The following CLCA1 variants were observed in gnomAD, a reference collection of about 807,000 sequenced individuals.
CLCA1 encodes chloride channel accessory 1.
A neutral mutation model predicts 85.6 loss-of-function variants in CLCA1; 59 were observed. The ratio of observed to expected loss-of-function variants is 0.69; its 90% CI spans 0.56 to 0.86. The LOEUF is 0.86. CLCA1 is among the 40% of genes least tolerant of loss of function. CLCA1 has a pLI of 0.00. For missense variants in CLCA1, 1,022 were observed against 1,101.4 expected (o/e 0.93, Z 1.02); for synonymous variants, 396 against 398.3 (o/e 0.99, Z 0.07).
chr1:86,495,265 C>G (rs1428567644), intron 11 of CLCA1, among the ~76,000 whole-genome samples: 1 of 152,022 alleles, frequency 6.6e-6, no homozygotes, highest in Non-Finnish European at 1.5e-5. Flanking sequence ...AACACAGAAA[C>G]GATACCATCT....
intron 9 of CLCA1, 78 bp from the exon 10 acceptor site, chr1:86,493,306 G>T (rs764997479): frequency 2.7e-6 from 3 of 1,126,438 alleles, no homozygotes; most frequent in Non-Finnish European, 4.0e-6. Context: ...GGCGCACTGG[G>T]GAGACAGGGG....
At chr1:86,485,668 G>C in intron 6 of CLCA1, 107 bp downstream of exon 6, 8 of 905,728 alleles carry the variant, frequency 8.8e-6, no homozygotes, top group Admixed American at 2.1e-5. Context: ...GGCCAGAATA[G>C]TTATAACTGT....
intron 4 of CLCA1, among the ~76,000 whole-genome samples, chr1:86,478,764 A>T (rs1454713185): frequency 6.6e-6 from 1 of 152,268 alleles, no homozygotes; most frequent in African/African-American, 2.4e-5. Flanking sequence ...CAGATAAGAC[A>T]TGATCGCCAT....
chr1:86,489,808 G>C (rs574829826), intron 8 of CLCA1, among the ~76,000 whole-genome samples: 1 of 152,124 alleles, frequency 6.6e-6, no homozygotes, highest in African/African-American at 2.4e-5. Flanking sequence ...TTAACTTAGG[G>C]ATAATATTGT....
intron 5 of CLCA1, among the ~76,000 whole-genome samples, chr1:86,483,100 A>T (rs2734697): frequency 0.71 from 108,268 of 151,950 alleles, 39,349 homozygotes; most frequent in Non-Finnish European, 0.79. Flanking sequence ...TCTGTTCAAC[A>T]GGAATGGAGC....
chr1:86,470,460 T>C (rs1409742821), intron 1 of CLCA1, among the ~76,000 whole-genome samples: 2 of 152,160 alleles, frequency 1.3e-5, no homozygotes, highest in East Asian at 1.9e-4. Context: ...GACAGTGGGG[T>C]TCAGCAATAT....
chr1:86,474,769 T>G (rs1248124907), intron 3 of CLCA1, among the ~76,000 whole-genome samples: 1 of 152,080 alleles, frequency 6.6e-6, no homozygotes, highest in African/African-American at 2.4e-5. Context: ...GTATATGAGG[T>G]ACATATAACA....
At chr1:86,481,204 T>G (rs1395931489) in intron 4 of CLCA1, among the ~76,000 whole-genome samples, 1 of 152,018 alleles carries the variant, frequency 6.6e-6, no homozygotes, top group Admixed American at 6.6e-5. Context: ...TGGCGCGATC[T>G]CAGCTCACTG....
Position 86,499,945 on chromosome 1 carries a change from C to T in CLCA1, c.2645C>T (p.Ala882Val). The T allele has an allele frequency of 6.2e-7, 1 of 1,613,330 alleles. No homozygotes were observed. Among genetic ancestry groups the T allele is most frequent in the Non-Finnish European group, 8.5e-7 (1 of 1,179,264 alleles). ...PETPSPDETS[A>V]PCPNIHINST... Reference sequence around the variant, plus strand: ...ACACCTAGTCCTGATGAAACGTCTGCTCCTTGTCCTAATATTCATATCAAC... The same window carrying T: ...ACACCTAGTCCTGATGAAACGTCTGTTCCTTGTCCTAATATTCATATCAAC... The change falls in exon 14 of 14, where the codon GCT becomes GTT. Residue 882 changes from alanine (A) to valine (V), a missense_variant. Coordinates refer to ENST00000394711, the MANE Select transcript of CLCA1 (RefSeq NM_001285.4).
rs544504855 is a variant in CLCA1 at position 86,495,809 on chromosome 1, C to A, written c.2113+134C>A. On this transcript the variant is annotated intron_variant, in intron 12 of 13. Transcript: ENST00000394711. ...ACCTTGGCATTATTAAGATTTTGAG[C>A]CAGACAATCCTTTGTTGTGGAGGGC... is the stretch of plus-strand genomic sequence containing the variant. 15 of 809,948 alleles carry A rather than the reference C, an allele frequency of 1.9e-5. 1 individual carries two copies. In the South Asian group the frequency reaches 3.0e-4, roughly 16 times the overall value. The allele number at this position is 809,948 out of a possible 1,614,324, so 50.2% of individuals were successfully genotyped here. A position where few individuals can be genotyped will look rare whatever the true frequency, so the allele number is the denominator to read the frequency against.
At chr1:86,498,549 T>G in intron 12 of CLCA1, 23 bp from the exon 13 acceptor site, 3 of 1,606,402 alleles carry the variant, frequency 1.9e-6, no homozygotes, top group Non-Finnish European at 2.6e-6. Flanking sequence ...GCTTACCATA[T>G]TTTGAGTATT....
intron 8 of CLCA1, among the ~76,000 whole-genome samples, chr1:86,489,660 A>T (rs1461176522): frequency 6.6e-6 from 1 of 152,192 alleles, no homozygotes; most frequent in Non-Finnish European, 1.5e-5. Context: ...ATCACTCCCA[A>T]AATGGAATAC....
intron 12 of CLCA1, 148 bp downstream of exon 12, chr1:86,495,823 G>C (rs987834412): frequency 5.6e-6 from 4 of 708,352 alleles, no homozygotes; most frequent in African/African-American, 3.6e-5. Context: ...ACAATCCTTT[G>C]TTGTGGAGGG....
intron 12 of CLCA1, among the ~76,000 whole-genome samples, chr1:86,498,203 G>T (rs1341708121): frequency 1.3e-5 from 2 of 150,118 alleles, no homozygotes; most frequent in South Asian, 4.2e-4. Context: ...AGGAAGGAAG[G>T]AAGGAAAAAA....
intron 3 of CLCA1, among the ~76,000 whole-genome samples, chr1:86,475,302 T>C (rs989273448): frequency 6.6e-6 from 1 of 152,184 alleles, no homozygotes; most frequent in African/African-American, 2.4e-5. Context: ...TGTGGGATAC[T>C]GAGTTTCCAC....
At chr1:86,498,322 G>A (rs754488018) in intron 12 of CLCA1, among the ~76,000 whole-genome samples, 7 of 151,986 alleles carry the variant, frequency 4.6e-5, no homozygotes, top group Non-Finnish European at 8.8e-5. Context: ...ATTCCAAAAG[G>A]TTATTCCACT....
At position 86,482,315 on chromosome 1, in the gene CLCA1, G is replaced by T. The variant is rs1558138029; in HGVS notation, c.668G>T (p.Cys223Phe). ...GTAACAGGACTCTATGAAAAAGGAT[G>T]TGAGTTTGTTCTCCAATCCCGCCAG... Reference protein sequence around the residue: ...NKVTGLYEKGCEFVLQSRQTE... With the variant: ...NKVTGLYEKGFEFVLQSRQTE... Residue 223 changes from cysteine to phenylalanine, a missense_variant, in exon 5 of 14, where the codon TGT becomes TTT. Coordinates refer to ENST00000394711, the MANE Select transcript of CLCA1 (RefSeq NM_001285.4). 6.2e-7 allele frequency: 1 copy of T among 1,613,984 alleles called. No individual in the cohort carries two copies. Among genetic ancestry groups the T allele is most frequent in the African/African-American group, 1.3e-5 (1 of 74,932 alleles).
In CLCA1 at chr1:86,469,011, C is replaced by T. The variant is rs1647422625; in HGVS notation, c.40C>T (p.His14Tyr). 1.2e-6 allele frequency: 2 copies of T among 1,612,878 alleles called. No homozygotes were observed. The highest frequency in any genetic ancestry group is 1.7e-6 in the Non-Finnish European group (2 of 1,179,294). The change falls in exon 1 of 14, where the codon CAC becomes TAC. Residue 14 changes from histidine (H) to tyrosine (Y), a missense_variant. Physicochemically the swap from His to Tyr is moderately conservative, Grantham distance 83. Coordinates refer to ENST00000394711, the MANE Select transcript of CLCA1 (RefSeq NM_001285.4). ...FKSSVFILIL[H>Y]LLEGALSNSL... ...GAGTTCTGTGTTCATCTTGATTCTTCACCTTCTAGAAGGGGCCCTGAGTAA... is the reference window on the plus strand; with the variant it reads ...GAGTTCTGTGTTCATCTTGATTCTTTACCTTCTAGAAGGGGCCCTGAGTAA...
intron 3 of CLCA1, among the ~76,000 whole-genome samples, chr1:86,474,281 T>C (rs1389252816): frequency 1.3e-5 from 2 of 152,226 alleles, no homozygotes; most frequent in Non-Finnish European, 2.9e-5. Context: ...TCAAATTATA[T>C]ATGAATCTTG....
Sources: gnomAD v4.1 joint callset for allele counts (sites outside exome capture counted in the v4.1 genomes callset) on GRCh38, gnomAD v4.1.1 for gene constraint, MANE v1.5 for transcripts, NCBI Gene and HGNC (gene_info 2026-07-23, HGNC 2026-07-21) for gene names.